Variants in EHD4 observed in about 807,000 individuals in gnomAD.
The protein encoded by EHD4 is EH domain-containing protein 4.
EHD4 carries 37 observed loss-of-function variants against 51.0 expected under a neutral mutation model. That is an observed-to-expected ratio of 0.73 (90% CI 0.56 to 0.95). The LOEUF (loss-of-function observed/expected upper bound fraction) is 0.95. Ranked by LOEUF, EHD4 falls within the 40% of genes least tolerant of loss-of-function variation. The pLI is 0.00. For missense variants in EHD4, 632 were observed against 733.1 expected (o/e 0.86, Z 1.59); for synonymous variants, 297 against 317.3 (o/e 0.94, Z 0.68).
chr15:41,919,541 T>A lies in EHD4; in HGVS notation c.593A>T (p.Asp198Val), dbSNP rs761315340. The stretch of plus-strand genomic sequence containing the variant: ...GGCCTCTGAGAATTCATCTGAGATG[T>A]CCAGCTTGTGAGCGTCAAAGAGCAG... ...IILLFDAHKL[D>V]ISDEFSEAIK... Residue 198 changes from aspartate (D) to valine (V), a missense_variant, in exon 4 of 6, where the codon GAC (aspartate) becomes GTC (valine). Asp to Val is a radical substitution (Grantham distance 152, BLOSUM62 -3). Transcript: ENST00000220325. 3.9e-6 allele frequency: 6 copies of A among 1,534,366 alleles called. No individual in the cohort carries two copies. Among genetic ancestry groups the A allele is most frequent in the Non-Finnish European group, 5.2e-6 (6 of 1,143,850 alleles).
intron 1 of EHD4, among the ~76,000 whole-genome samples, chr15:41,957,728 T>C (rs949191721): frequency 2.0e-5 from 3 of 152,220 alleles, no homozygotes; most frequent in Non-Finnish European, 4.4e-5. Context: ...GGCAGATCCC[T>C]GACTTTACAT....
chr15:41,916,796 C>T lies in EHD4; in HGVS notation c.924+2414G>A, dbSNP rs148642683. Among the ~76,000 whole-genome samples, 5 of 152,294 alleles carry T rather than the reference C, an allele frequency of 3.3e-5. No homozygotes were observed. The East Asian group carries it at 7.7e-4, about 24-fold the overall frequency. ...ACGAGCAACTGGCACTGAGAAGCTC[C>T]GGCTGCAAATACCCATACTTCAAAC... On this transcript the variant is annotated intron_variant, in intron 4 of 5. Coordinates refer to ENST00000220325, the MANE Select transcript of EHD4 (RefSeq NM_139265.4).
intron 3 of EHD4, among the ~76,000 whole-genome samples, chr15:41,929,593 A>G (rs573534276): frequency 6.6e-6 from 1 of 152,340 alleles, no homozygotes; most frequent in South Asian, 2.1e-4. Flanking sequence ...AGACAGCAAC[A>G]TGGTATTATC....
chr15:41,912,337 C>T (rs1489642604), intron 4 of EHD4, among the ~76,000 whole-genome samples: 3 of 152,124 alleles, frequency 2.0e-5, no homozygotes, highest in African/African-American at 7.2e-5. Context: ...CGCGTCCTGC[C>T]CTTCCTGGTG....
chr15:41,931,745 C>T (rs939959738), intron 3 of EHD4, among the ~76,000 whole-genome samples: 1 of 151,164 alleles, frequency 6.6e-6, no homozygotes, highest in African/African-American at 2.4e-5. Context: ...GGCGCAATCT[C>T]AGCTCACTGC....
chr15:41,972,225 G>C (rs763701164), intron 1 of EHD4, 34 bp downstream of exon 1: 20 of 1,493,116 alleles, frequency 1.3e-5, no homozygotes, highest in Non-Finnish European at 1.6e-5. Flanking sequence ...AGGGCGGAGC[G>C]GGGCGGGAGC....
Position 41,897,962 on chromosome 15 carries a change from G to A in EHD4, c.*2683C>T, listed in dbSNP as rs1016215120. 1 of 152,224 alleles carries A rather than the reference G, an allele frequency of 6.6e-6. No individual in the cohort carries two copies. Among genetic ancestry groups the A allele is most frequent in the African/African-American group, 2.4e-5 (1 of 41,448 alleles). The allele number at this position is 152,224 out of a possible 1,614,324, so 9.4% of individuals were successfully genotyped here. A position where few individuals can be genotyped will look rare whatever the true frequency, so the allele number is the denominator to read the frequency against. On this transcript the variant is annotated 3_prime_UTR_variant, in exon 6 of 6. Coordinates refer to ENST00000220325, the MANE Select transcript of EHD4 (RefSeq NM_139265.4). ...GGTCGGCCCTGCCGCCCTGCCGTGTGGGGTAGGGAGACAGCTGGTGGTGTG... is the reference window on the plus strand; with the variant it reads ...GGTCGGCCCTGCCGCCCTGCCGTGTAGGGTAGGGAGACAGCTGGTGGTGTG...
At chr15:41,939,468 G>A (rs2067752382) in intron 3 of EHD4, among the ~76,000 whole-genome samples, 2 of 152,084 alleles carry the variant, frequency 1.3e-5, no homozygotes, top group African/African-American at 4.8e-5. Context: ...GCCGAGGCGG[G>A]TGGATCACAC....
chr15:41,956,934 G>A (rs2067891878), intron 1 of EHD4, among the ~76,000 whole-genome samples: 1 of 152,204 alleles, frequency 6.6e-6, no homozygotes, highest in Non-Finnish European at 1.5e-5. Flanking sequence ...ATCAATGCTG[G>A]CAAGGGTCCT....
chr15:41,965,478 C>T (rs985669327), intron 1 of EHD4, among the ~76,000 whole-genome samples: 1 of 152,210 alleles, frequency 6.6e-6, no homozygotes, highest in Non-Finnish European at 1.5e-5. Context: ...TAGCCCTCTT[C>T]CATTCCTCCA....
At chr15:41,961,177 G>A (rs1282381569) in intron 1 of EHD4, among the ~76,000 whole-genome samples, 1 of 152,178 alleles carries the variant, frequency 6.6e-6, no homozygotes, top group Non-Finnish European at 1.5e-5. Flanking sequence ...TATTTTTCCA[G>A]CTATGGATGG....
At position 41,972,294 on chromosome 15, in the gene EHD4, C is replaced by T. The variant is rs990933743; in HGVS notation, c.201G>A (p.Val67=). Residue 67 remains valine (V), a synonymous_variant, in exon 1 of 6, where the codon GTG becomes GTA. Coordinates refer to ENST00000220325, the MANE Select transcript of EHD4 (RefSeq NM_139265.4). ...DFENKPMILL[V]GQYSTGKTTF... is the part of the protein sequence containing the mutation. ...TGGTCTTGCCGGTGCTGTACTGGCC[C>T]ACCAGCAGGATCATGGGCTTGTTCT... The T allele has an allele frequency of 6.2e-7, 1 of 1,609,872 alleles. No individual in the cohort carries two copies. Among genetic ancestry groups the T allele is most frequent in the Non-Finnish European group, 8.5e-7 (1 of 1,178,324 alleles).
At chr15:41,943,372 A>T (rs920141188) in intron 2 of EHD4, among the ~76,000 whole-genome samples, 2 of 152,206 alleles carry the variant, frequency 1.3e-5, no homozygotes, top group Non-Finnish European at 2.9e-5. Context: ...CACAGAGAAC[A>T]GATGCTGGCC....
intron 5 of EHD4, among the ~76,000 whole-genome samples, chr15:41,901,934 T>A (rs542480009): frequency 6.6e-6 from 1 of 152,244 alleles, no homozygotes; most frequent in Admixed American, 6.5e-5. Context: ...TCCACTGTCA[T>A]TTCTAAAATA....
intron 3 of EHD4, chr15:41,941,564 A>T (rs932887612): frequency 1.3e-5 from 2 of 149,102 alleles, no homozygotes; most frequent in Non-Finnish European, 3.0e-5. Flanking sequence ...TATGAATAGC[A>T]TTAACCTGTT....
chr15:41,966,646 C>T (rs2067963586), intron 1 of EHD4, among the ~76,000 whole-genome samples: 1 of 152,214 alleles, frequency 6.6e-6, no homozygotes, highest in South Asian at 2.1e-4. Flanking sequence ...TGAGAAGGAA[C>T]ACAACATGAG....
chr15:41,922,008 T>C (rs999025066), intron 3 of EHD4, among the ~76,000 whole-genome samples: 1 of 152,236 alleles, frequency 6.6e-6, no homozygotes, highest in African/African-American at 2.4e-5. Context: ...GTTCTCCAAC[T>C]TTCCCATTAA....
Position 41,972,526 on chromosome 15 carries a change from T to C in EHD4, c.-32A>G, listed in dbSNP as rs2068006497. ...GCCAGTCCACGCTCGGATGGGACCCTGCTCCGGGTTCGACTCTCCCCGGCT... is the reference window on the plus strand; with the variant it reads ...GCCAGTCCACGCTCGGATGGGACCCCGCTCCGGGTTCGACTCTCCCCGGCT... On this transcript the variant is annotated 5_prime_UTR_variant, in exon 1 of 6. Transcript: ENST00000220325. 2.1e-6 allele frequency: 3 copies of C among 1,461,000 alleles called. No homozygotes were observed. The highest frequency in any genetic ancestry group is 2.7e-6 in the Non-Finnish European group (3 of 1,110,992). 90.5% of individuals were successfully genotyped at this position (1,461,000 alleles called of 1,614,324 possible).
intron 2 of EHD4, among the ~76,000 whole-genome samples, chr15:41,948,080 CCT>C (rs1458737292): frequency 6.8e-6 from 1 of 147,964 alleles, no homozygotes; most frequent in Non-Finnish European, 1.5e-5. Flanking sequence ...ACAGTGAAAC[CCT>C]GTCTGTACTA....
Sources: allele counts gnomAD v4.1 joint callset (sites outside exome capture counted in the v4.1 genomes callset), GRCh38; gene constraint gnomAD v4.1.1; transcripts MANE v1.5; gene names NCBI Gene and HGNC (gene_info 2026-07-23, HGNC 2026-07-21).